Variants in CCNB3 observed in about 807,000 individuals in gnomAD.
CCNB3 encodes cyclin B3, also known as G2/mitotic-specific cyclin-B3.
Under a neutral mutation model 68.0 loss-of-function variants are expected in CCNB3, and 12 were observed. The ratio of observed to expected loss-of-function variants is 0.18; its 90% CI spans 0.11 to 0.29. The LOEUF is 0.29. Among genes scored for constraint, CCNB3 ranks in the 10% least tolerant of loss-of-function variants. The pLI, the probability that CCNB3 is intolerant of heterozygous loss-of-function variation, is 1.00. For missense variants in CCNB3, 904 were observed against 993.1 expected, an observed-to-expected ratio of 0.91 and a Z score of 1.21; for synonymous variants, 354 against 388.9, an observed-to-expected ratio of 0.91 and a Z score of 1.06.
chrX:50,317,200 T>G lies in CCNB3; in HGVS notation c.3516+3252T>G, dbSNP rs1379678012. Among the ~76,000 whole-genome samples, 6 of 112,557 alleles carry G rather than the reference T, an allele frequency of 5.3e-5. No individual in the cohort carries two copies. The Admixed American group carries it at 5.6e-4, about 11-fold the overall frequency. On this transcript the variant is annotated intron_variant, in intron 8 of 12. Coordinates refer to ENST00000376042, the MANE Select transcript of CCNB3 (RefSeq NM_033031.3). ...GGTTAATAATGTTGACAACCATACT[T>G]GTCATGCATATATCCTCTTTGATGA...
intron 1 of CCNB3, among the ~76,000 whole-genome samples, chrX:50,209,736 GC>G (rs1935452930): frequency 8.9e-6 from 1 of 112,221 alleles, no homozygotes; most frequent in Non-Finnish European, 1.9e-5. Flanking sequence ...TTCTGATATT[GC>G]TAATTTGTGT....
At chrX:50,228,810 A>AAT (rs1201871950) in intron 1 of CCNB3, among the ~76,000 whole-genome samples, 3 of 72,867 alleles carry the variant, frequency 4.1e-5, no homozygotes, top group Non-Finnish European at 4.9e-5. Context: ...AGATATATAG[A>AAT]ATATATATAT....
intron 1 of CCNB3, among the ~76,000 whole-genome samples, chrX:50,279,360 T>C (rs1936033190): frequency 1.3e-5 from 1 of 76,784 alleles, no homozygotes; most frequent in Admixed American, 1.9e-4. Context: ...TATAGGATAT[T>C]TATATGAATA....
intron 9 of CCNB3, among the ~76,000 whole-genome samples, chrX:50,345,435 T>C (rs782361732): frequency 3.2e-4 from 34 of 105,531 alleles, no homozygotes; most frequent in Admixed American, 6.1e-4. Flanking sequence ...TGGCTTGCTC[T>C]CTCCTTTCCT....
chrX:50,302,785 A>C (rs1936678622), intron 5 of CCNB3, among the ~76,000 whole-genome samples: 1 of 111,937 alleles, frequency 8.9e-6, no homozygotes, highest in Non-Finnish European at 1.9e-5. Context: ...GCAGGTTGTC[A>C]GTACTTCATT....
chrX:50,218,873 G>A (rs1234916945), intron 1 of CCNB3, among the ~76,000 whole-genome samples: 10 of 111,710 alleles, frequency 9.0e-5, no homozygotes, highest in African/African-American at 2.9e-4. Context: ...TTCCACAATG[G>A]TTGAACTAAT....
intron 1 of CCNB3, among the ~76,000 whole-genome samples, chrX:50,219,920 G>A (rs957936087): frequency 0.024 from 2,674 of 111,131 alleles, 72 homozygotes; most frequent in African/African-American, 0.084. Context: ...ATGTTTTTCC[G>A]TTTGTTTGTG....
chrX:50,305,077 C>T (rs781805128), intron 5 of CCNB3, among the ~76,000 whole-genome samples: 2,575 of 111,535 alleles, frequency 0.023, 64 homozygotes, highest in African/African-American at 0.081. Context: ...CTAGTTCAAC[C>T]CTTGTGGAAG....
At chrX:50,279,624 C>G (rs1179368991) in intron 1 of CCNB3, among the ~76,000 whole-genome samples, 1 of 72,496 alleles carries the variant, frequency 1.4e-5, no homozygotes, top group African/African-American at 4.6e-5. Context: ...GTACATTCAT[C>G]TATGTAAATA....
At position 50,312,522 on chromosome X, in the gene CCNB3, G is replaced by A. The variant is rs1921517115; in HGVS notation, c.3328-15G>A. The A allele has an allele frequency of 2.6e-6, 3 of 1,165,934 alleles. No individual in the cohort carries two copies. Among genetic ancestry groups the A allele is most frequent in the East Asian group, 3.0e-5 (1 of 33,514 alleles). On this transcript the variant is annotated splice_polypyrimidine_tract_variant and intron_variant, in intron 6 of 12. Transcript: ENST00000376042. ...ATAATTCTCATAATATGTCTTTTTGGTGATTTCTAAGCAGATAACCCCACG... is the reference window on the plus strand; with the variant it reads ...ATAATTCTCATAATATGTCTTTTTGATGATTTCTAAGCAGATAACCCCACG...
intron 1 of CCNB3, among the ~76,000 whole-genome samples, chrX:50,280,579 A>T (rs1936120819): frequency 9.1e-6 from 1 of 109,468 alleles, no homozygotes; most frequent in Non-Finnish European, 1.9e-5. Context: ...CCTCATTCAC[A>T]AAATAGGGGC....
chrX:50,298,817 A>G (rs985511082), intron 5 of CCNB3, among the ~76,000 whole-genome samples: 1 of 111,225 alleles, frequency 9.0e-6, no homozygotes, highest in Non-Finnish European at 1.9e-5. Context: ...AGAGTCTGTT[A>G]TTTGTCTATT....
At chrX:50,304,220 C>T (rs1173092766) in intron 5 of CCNB3, among the ~76,000 whole-genome samples, 1 of 111,589 alleles carries the variant, frequency 9.0e-6, no homozygotes, top group Non-Finnish European at 1.9e-5. Context: ...ACCATATTGT[C>T]TTGATTATTG....
chrX:50,225,993 A>G, intron 1 of CCNB3, among the ~76,000 whole-genome samples: 1 of 95,123 alleles, frequency 1.1e-5, no homozygotes, highest in East Asian at 3.1e-4. Flanking sequence ...TATAGAATGT[A>G]TATATAAATA....
chrX:50,206,458 G>T (rs1262230480), intron 1 of CCNB3, among the ~76,000 whole-genome samples: 1 of 108,008 alleles, frequency 9.3e-6, no homozygotes, highest in Non-Finnish European at 1.9e-5. Flanking sequence ...TGTGGTGCCC[G>T]CCTGTAGTCC....
In CCNB3 at chrX:50,311,062, A is replaced by G. The variant is rs1557214831; in HGVS notation, c.2893A>G (p.Thr965Ala). 3 of 1,208,924 alleles carry G rather than the reference A, an allele frequency of 2.5e-6. No individual in the cohort carries two copies. The highest frequency in any genetic ancestry group is 3.0e-5 in the East Asian group (1 of 33,730). Residue 965 changes from threonine (T) to alanine (A), a missense_variant, in exon 6 of 13, where the codon ACA (threonine) becomes GCA (alanine). Thr to Ala is a moderately conservative substitution (Grantham distance 58). Coordinates refer to ENST00000376042, the MANE Select transcript of CCNB3 (RefSeq NM_033031.3). ...CTACAAGGAAGACACCTTTCTCAAA[A>G]CATTGTTGGTCCCCCAAGTTGGAAC... ...PTYKEDTFLK[T>A]LLVPQVGTSP...
chrX:50,283,497 C>A (rs1329672709), intron 1 of CCNB3, among the ~76,000 whole-genome samples: 2 of 111,508 alleles, frequency 1.8e-5, no homozygotes, highest in Admixed American at 9.6e-5. Context: ...CTGGCTTTTC[C>A]TGACCTACAA....
chrX:50,298,114 G>A (rs879956043), intron 5 of CCNB3, among the ~76,000 whole-genome samples: 1 of 111,031 alleles, frequency 9.0e-6, no homozygotes, highest in Admixed American at 9.6e-5. Flanking sequence ...CTAATTGAAT[G>A]CCCTTTATTT....
At chrX:50,327,823 T>C (rs1922372073) in intron 8 of CCNB3, among the ~76,000 whole-genome samples, 1 of 111,679 alleles carries the variant, frequency 9.0e-6, no homozygotes, top group Non-Finnish European at 1.9e-5. Flanking sequence ...TTACCTTATC[T>C]AGTAAAGGGG....
Sources: allele counts gnomAD v4.1 joint callset (sites outside exome capture counted in the v4.1 genomes callset), GRCh38; gene constraint gnomAD v4.1.1; transcripts MANE v1.5; gene names NCBI Gene and HGNC (gene_info 2026-07-23, HGNC 2026-07-21).